The following HPSE2 variants were observed in gnomAD, a reference collection of about 807,000 sequenced individuals.
The protein encoded by HPSE2 is heparanase 2 (inactive).
HPSE2 carries 38 observed loss-of-function variants against 60.5 expected under a neutral mutation model. The observed-to-expected ratio is 0.63, with a 90% CI of 0.48 to 0.82. The LOEUF is 0.82. Among genes scored for constraint, HPSE2 ranks in the 40% least tolerant of loss-of-function variants. The pLI, the probability that HPSE2 is intolerant of heterozygous loss-of-function variation, is 0.00. For synonymous variants in HPSE2, 295 were observed against 293.2 expected (o/e 1.01, Z -0.06); for missense variants, 713 against 740.4 (o/e 0.96, Z 0.43).
chr10:99,072,911 G>A lies in HPSE2; in HGVS notation c.610+71327C>T, dbSNP rs181430183. On this transcript the variant is annotated intron_variant, in intron 3 of 11. Coordinates refer to ENST00000370552, the MANE Select transcript of HPSE2 (RefSeq NM_021828.5). Reference sequence around the variant, plus strand: ...GCCACTGCACTCCAGCCTGGTGACAGAGCCAGGCTCCGTCTCAAAAAAAAA... The same window carrying A: ...GCCACTGCACTCCAGCCTGGTGACAAAGCCAGGCTCCGTCTCAAAAAAAAA... Among the ~76,000 whole-genome samples the A allele has an allele frequency of 2.0e-3, 235 of 119,796 alleles. 1 individual carries two copies. The highest frequency in any genetic ancestry group is 8.0e-3 in the African/African-American group (231 of 28,972). The allele number at this position is 119,796 out of a possible 152,430, so 78.6% of individuals were successfully genotyped here.
chr10:99,048,032 A>G (rs1251031403), intron 3 of HPSE2: 2 of 688,786 alleles, frequency 2.9e-6, no homozygotes, highest in South Asian at 1.5e-5. Flanking sequence ...TGCAATTAAT[A>G]TGCTGTGGAC....
In HPSE2 at chr10:99,232,832, G is replaced by C. The variant is rs575998372; in HGVS notation, c.291-327C>G. 4.6e-4 allele frequency among the ~76,000 whole-genome samples: 70 copies of C among 152,368 alleles called. 1 individual carries two copies. The highest frequency in any genetic ancestry group is 9.1e-4 in the Non-Finnish European group (62 of 68,030). On this transcript the variant is annotated intron_variant, in intron 1 of 11. Transcript: ENST00000370552. ...TGTATGGGGTGGGTGTACGTGCTAC[G>C]AGCACGGCGCTAAAGCGCAGTTGCC...
At chr10:98,975,102 C>T (rs551782875) in intron 3 of HPSE2, among the ~76,000 whole-genome samples, 11 of 152,168 alleles carry the variant, frequency 7.2e-5, no homozygotes, top group African/African-American at 9.6e-5. Context: ...TATTTTCTTC[C>T]GCCTTATTTC....
intron 7 of HPSE2, among the ~76,000 whole-genome samples, chr10:98,626,326 C>T (rs895186484): frequency 3.9e-5 from 6 of 151,976 alleles, no homozygotes; most frequent in East Asian, 1.9e-4. Context: ...AGTGCCACAT[C>T]GTTTATTGTA....
At chr10:99,102,503 CA>C (rs1564808621) in intron 3 of HPSE2, among the ~76,000 whole-genome samples, 1 of 151,826 alleles carries the variant, frequency 6.6e-6, no homozygotes, top group Non-Finnish European at 1.5e-5. Flanking sequence ...CCCTACCAAC[CA>C]AAAAAAGGCC....
chr10:98,861,955 C>T (rs1483441902), intron 3 of HPSE2, among the ~76,000 whole-genome samples: 2 of 152,072 alleles, frequency 1.3e-5, no homozygotes, highest in Admixed American at 6.6e-5. Flanking sequence ...GGCCCTCTAG[C>T]GTTTGCAGGA....
At chr10:99,085,769 C>A (rs572775919) in intron 3 of HPSE2, among the ~76,000 whole-genome samples, 1 of 152,088 alleles carries the variant, frequency 6.6e-6, no homozygotes, top group African/African-American at 2.4e-5. Flanking sequence ...GGGCAAAAGC[C>A]GAATTCCTCA....
chr10:99,205,314 T>C (rs1848709224), intron 2 of HPSE2, among the ~76,000 whole-genome samples: 1 of 151,994 alleles, frequency 6.6e-6, no homozygotes, highest in African/African-American at 2.4e-5. Flanking sequence ...ATAGGCCAGG[T>C]GTAGTGGCTC....
chr10:98,826,173 C>G (rs1437804465), intron 3 of HPSE2, among the ~76,000 whole-genome samples: 1 of 152,138 alleles, frequency 6.6e-6, no homozygotes, highest in Admixed American at 6.5e-5. Context: ...ATCTTGTTCA[C>G]CACTGTATTC....
At chr10:99,267,657 G>C in the HPSE2 span, among the ~76,000 whole-genome samples, 1 of 151,896 alleles carries the variant, frequency 6.6e-6, no homozygotes, top group African/African-American at 2.4e-5. Flanking sequence ...GGTGGGGCCT[G>C]TAGTCCCAGC....
intron 2 of HPSE2, among the ~76,000 whole-genome samples, chr10:99,167,505 C>G (rs1847130616): frequency 6.6e-6 from 1 of 152,296 alleles, no homozygotes; most frequent in Non-Finnish European, 1.5e-5. Flanking sequence ...TTTCTAGTCT[C>G]ATTTGTTGAA....
chr10:99,246,815 T>A, the HPSE2 span, among the ~76,000 whole-genome samples: 3 of 152,316 alleles, frequency 2.0e-5, 1 homozygote, highest in Middle Eastern at 6.8e-3. Flanking sequence ...TGCATCACAA[T>A]AATTACTAAA....
intron 9 of HPSE2, among the ~76,000 whole-genome samples, chr10:98,561,496 TAA>T (rs779133917): frequency 4.7e-4 from 71 of 152,278 alleles, no homozygotes; most frequent in Admixed American, 2.3e-3. Flanking sequence ...TTTAAAAAAT[TAA>T]AAAGTTTATA....
At chr10:99,146,962 CTACCA>C (rs1564843834) in intron 2 of HPSE2, among the ~76,000 whole-genome samples, 1 of 152,184 alleles carries the variant, frequency 6.6e-6, no homozygotes, top group Non-Finnish European at 1.5e-5. Flanking sequence ...CTTTATTGAC[CTACCA>C]TACCTGTGCT....
chr10:98,806,752 A>G (rs1259927711), intron 3 of HPSE2, among the ~76,000 whole-genome samples: 1 of 152,234 alleles, frequency 6.6e-6, no homozygotes, highest in Non-Finnish European at 1.5e-5. Flanking sequence ...AATTCTCATG[A>G]TTCAGAAAAG....
intron 3 of HPSE2, among the ~76,000 whole-genome samples, chr10:98,768,726 T>C (rs559770092): frequency 6.6e-6 from 1 of 152,328 alleles, no homozygotes; most frequent in South Asian, 2.1e-4. Flanking sequence ...TCTATGGTAC[T>C]TCAGATTCCT....
At chr10:99,034,327 T>G (rs2135458538) in intron 3 of HPSE2, among the ~76,000 whole-genome samples, 1 of 152,288 alleles carries the variant, frequency 6.6e-6, no homozygotes, top group East Asian at 1.9e-4. Context: ...AAAACAGATC[T>G]GTGGCTGCCA....
chr10:98,796,590 G>C (rs901478240), intron 3 of HPSE2, among the ~76,000 whole-genome samples: 2 of 152,204 alleles, frequency 1.3e-5, no homozygotes, highest in African/African-American at 4.8e-5. Flanking sequence ...CCTGGGGTCT[G>C]GAGGAACTTG....
intron 3 of HPSE2, among the ~76,000 whole-genome samples, chr10:98,763,846 T>C (rs1239797508): frequency 6.7e-6 from 1 of 149,876 alleles, no homozygotes; most frequent in African/African-American, 2.4e-5. Context: ...CAAAAGGAAG[T>C]CCTTTAGGCT....
Sources: gnomAD v4.1 joint callset for allele counts (sites outside exome capture counted in the v4.1 genomes callset) on GRCh38, gnomAD v4.1.1 for gene constraint, MANE v1.5 for transcripts, NCBI Gene and HGNC (gene_info 2026-07-23, HGNC 2026-07-21) for gene names.